Variants in SORBS3 observed in about 807,000 individuals in gnomAD.
The protein encoded by SORBS3 is vinexin.
In SORBS3, 69 loss-of-function variants were observed where a neutral mutation model predicts 98.0. That is an observed-to-expected ratio of 0.70 (90% CI 0.58 to 0.86). The LOEUF is 0.86. Ranked by LOEUF, SORBS3 falls within the 40% of genes least tolerant of loss-of-function variation. SORBS3 has a pLI of 0.00. For synonymous variants in SORBS3, 394 were observed against 355.4 expected, an observed-to-expected ratio of 1.11 and a Z score of -1.22; for missense variants, 954 against 908.5, an observed-to-expected ratio of 1.05 and a Z score of -0.64.
At chr8:22,561,719 T>G in intron 6 of SORBS3, 146 bp from the exon 7 acceptor site, 1 of 720,202 alleles carries the variant, frequency 1.4e-6, no homozygotes, top group East Asian at 2.7e-5. Flanking sequence ...TCAGTGTCCC[T>G]GAGCACCAAC....
chr8:22,554,154 C>T lies in SORBS3; in HGVS notation c.-55-298C>T, dbSNP rs1386800256. The T allele has an allele frequency of 2.8e-5, 6 of 217,316 alleles. No individual in the cohort carries two copies. The highest frequency in any genetic ancestry group is 5.3e-5 in the Admixed American group (1 of 18,984). The allele number at this position is 217,316 out of a possible 1,614,324, so 13.5% of individuals were successfully genotyped here. A position where few individuals can be genotyped will look rare whatever the true frequency, so the allele number is the denominator to read the frequency against. Reference sequence around the variant, plus strand: ...CTGCACCCGTGCAGGGAGAGCCCCACGGGCTCCTGGCCAGCCCCTCCCCTC... The same window carrying T: ...CTGCACCCGTGCAGGGAGAGCCCCATGGGCTCCTGGCCAGCCCCTCCCCTC... On this transcript the variant is annotated intron_variant, in intron 1 of 20. Coordinates refer to ENST00000240123, the MANE Select transcript of SORBS3 (RefSeq NM_005775.5). This position sits in a 1 kb window ranked among gnomAD's most constrained non-coding sequence, Gnocchi z 6.5.
Position 22,566,848 on chromosome 8 carries a change from C to T in SORBS3, c.1170C>T (p.Asp390=), listed in dbSNP as rs769899301. Reference sequence around the variant, plus strand: ...GAAAGGCCGCCAGGCTCAAGTTTGACTTCCAGGCGCAGTCCCCCAAGTAAG... The same window carrying T: ...GAAAGGCCGCCAGGCTCAAGTTTGATTTCCAGGCGCAGTCCCCCAAGTAAG... ...KKRKAARLKF[D]FQAQSPKELT... is the part of the protein sequence containing the mutation. Residue 390 remains aspartate, a synonymous_variant, in exon 15 of 21, where the codon GAC becomes GAT. Coordinates refer to ENST00000240123, the MANE Select transcript of SORBS3 (RefSeq NM_005775.5). 1.8e-5 allele frequency: 29 copies of T among 1,612,800 alleles called. No individual in the cohort carries two copies. In the South Asian group the frequency reaches 2.1e-4, roughly 12 times the overall value.
chr8:22,566,080 G>A (rs1840409857), intron 12 of SORBS3: 1 of 562,898 alleles, frequency 1.8e-6, no homozygotes, highest in Non-Finnish European at 2.7e-6. Context: ...CCTAGCAGAG[G>A]ACCGGGGTCG....
chr8:22,551,253 GTGTT>G (rs1396268865), upstream of SORBS3, among the ~76,000 whole-genome samples: 2 of 152,084 alleles, frequency 1.3e-5, no homozygotes, highest in Non-Finnish European at 2.9e-5. This position sits in a 1 kb window ranked among gnomAD's most constrained non-coding sequence, Gnocchi z 5.8. Flanking sequence ...GTACGCGCGC[GTGTT>G]TGTTTGCACA....
chr8:22,545,268 G>A (rs1840005099), intron 1 of SORBS3: 1 of 152,350 alleles, frequency 6.6e-6, no homozygotes, highest in Admixed American at 6.5e-5. Flanking sequence ...AGCTGTCAGA[G>A]CAGATGTGTG....
rs139476388 is a variant in SORBS3 at position 22,572,393 on chromosome 8, G to A, written c.1901G>A (p.Arg634His). The change falls in exon 20 of 21, where the codon CGC becomes CAC. Residue 634 changes from arginine to histidine, a missense_variant. Transcript: ENST00000240123. ...RPQNEDELEL[R>H]EGDRVDVMQQ... ...CAGAACGAAGACGAGCTGGAGCTGCGCGAGGGGGACAGGGTGGATGTCATG... is the reference window on the plus strand; with the variant it reads ...CAGAACGAAGACGAGCTGGAGCTGCACGAGGGGGACAGGGTGGATGTCATG... 15 of 1,613,964 alleles carry A rather than the reference G, an allele frequency of 9.3e-6. No homozygotes were observed. In the African/African-American group the frequency reaches 9.3e-5, roughly 10 times the overall value.
chr8:22,545,114 T>C (rs1005082779), exon 1 of SORBS3: 1 of 152,238 alleles, frequency 6.6e-6, no homozygotes, highest in Non-Finnish European at 1.5e-5. Flanking sequence ...ACATCTTTTC[T>C]GAGACCTGCT....
intron 3 of SORBS3, among the ~76,000 whole-genome samples, chr8:22,555,606 ACT>A (rs1334931597): frequency 6.6e-6 from 1 of 151,898 alleles, no homozygotes; most frequent in African/African-American, 2.4e-5. Context: ...ACACACACAC[ACT>A]GAGAGGCTGA....
chr8:22,556,279 T>C (rs1017807126), intron 3 of SORBS3, among the ~76,000 whole-genome samples: 5 of 152,182 alleles, frequency 3.3e-5, no homozygotes, highest in Non-Finnish European at 5.9e-5. Flanking sequence ...ACCCTTGTTT[T>C]ACAGAAGTGG....
In SORBS3 at chr8:22,554,859, G is replaced by T; in HGVS notation, c.103-4G>T. 7.5e-7 allele frequency: 1 copy of T among 1,327,510 alleles called. No individual in the cohort carries two copies. Among genetic ancestry groups the T allele is most frequent in the Non-Finnish European group, 1.0e-6 (1 of 983,822 alleles). 82.2% of individuals were successfully genotyped at this position (1,327,510 alleles called of 1,614,324 possible). On this transcript the variant is annotated splice_polypyrimidine_tract_variant and splice_region_variant and intron_variant, in intron 2 of 20. Coordinates refer to ENST00000240123, the MANE Select transcript of SORBS3 (RefSeq NM_005775.5). The surrounding 1 kb of genome is among the most constrained non-coding windows in gnomAD (Gnocchi z 6.5). ...GAGCTGCCGCTCCTGGCCCCTCCCC[G>T]CAGGTGCCCGTGATCCGGAATGGTG... is the stretch of plus-strand genomic sequence containing the variant.
At chr8:22,551,740 C>G, upstream of SORBS3, 1 of 985,216 alleles carries the variant, frequency 1.0e-6, no homozygotes, top group Non-Finnish European at 1.2e-6. This position sits in a 1 kb window ranked among gnomAD's most constrained non-coding sequence, Gnocchi z 5.8. Flanking sequence ...TCCCTCCTCT[C>G]CGGCCCAGCC....
rs768788338 is a variant in SORBS3, at chr8:22,565,252, C to T, written c.817-16C>T. ...GGTGCGCTGCCCCTCACTGCCCAGCCTCTCCCCGCCCCCAGGTGCTGCTGG... is the reference window on the plus strand; with the variant it reads ...GGTGCGCTGCCCCTCACTGCCCAGCTTCTCCCCGCCCCCAGGTGCTGCTGG... On this transcript the variant is annotated splice_polypyrimidine_tract_variant and intron_variant, in intron 10 of 20. Transcript: ENST00000240123. The T allele has an allele frequency of 1.9e-6, 3 of 1,548,284 alleles. 1 individual carries two copies. Among genetic ancestry groups the T allele is most frequent in the South Asian group, 2.4e-5 (2 of 84,038 alleles).
intron 7 of SORBS3, among the ~76,000 whole-genome samples, chr8:22,562,697 C>T (rs1290614128): frequency 6.6e-6 from 1 of 152,232 alleles, no homozygotes; most frequent in Non-Finnish European, 1.5e-5. Flanking sequence ...CTCACTCAGT[C>T]TGAGCCTCTG....
intron 1 of SORBS3, among the ~76,000 whole-genome samples, chr8:22,546,837 G>A (rs1313072618): frequency 6.6e-6 from 1 of 152,102 alleles, no homozygotes; most frequent in Non-Finnish European, 1.5e-5. Context: ...ATATCATGAG[G>A]TGCTGTGGAT....
chr8:22,572,246 C>T (rs1414473826), intron 19 of SORBS3, 94 bp from the exon 20 acceptor site: 1 of 984,638 alleles, frequency 1.0e-6, no homozygotes, highest in East Asian at 2.4e-5. Flanking sequence ...CTAGTGAGAG[C>T]ATGAAGGGAC....
chr8:22,567,038 G>T, intron 15 of SORBS3, 23 bp from the exon 16 acceptor site: 9 of 1,594,916 alleles, frequency 5.6e-6, no homozygotes, highest in Non-Finnish European at 7.7e-6. Context: ...AGCTTACCCT[G>T]CGGTCCTCGT....
intron 18 of SORBS3, 35 bp downstream of exon 18, chr8:22,571,256 C>T (rs1840576257): frequency 2.4e-6 from 3 of 1,260,638 alleles, no homozygotes; most frequent in Admixed American, 4.3e-5. Context: ...GAGTCGACCT[C>T]CTCCTCACCC....
Position 22,563,524 on chromosome 8 carries a change from C to T in SORBS3, c.585-463C>T, listed in dbSNP as rs532579364. On this transcript the variant is annotated intron_variant, in intron 7 of 20. Transcript: ENST00000240123. ...CCTTGCCCATGGGTGTACGATCACT[C>T]AGCCACAGCACCCAGAAAGACCAGC... Among the ~76,000 whole-genome samples, 4 of 152,310 alleles carry T rather than the reference C, an allele frequency of 2.6e-5. No homozygotes were observed. In the East Asian group the frequency reaches 5.8e-4, roughly 22 times the overall value.
rs1377025175 is a variant in SORBS3 at position 22,554,583 on chromosome 8, T to A, written c.77T>A (p.Ile26Lys). Residue 26 changes from isoleucine to lysine, a missense_variant, in exon 2 of 21, where the codon ATA becomes AAA. By Grantham distance (102) the Ile-to-Lys change is moderately radical. Transcript: ENST00000240123. The surrounding 1 kb of genome is among the most constrained non-coding windows in gnomAD (Gnocchi z 6.5). ...DFIPGHLQSH[I>K]GSSSRGTRVP... ...ATCCCTGGCCACCTCCAGTCCCACA[T>A]AGGGTCTTCCTCCCGGGGGACACGG... 2.5e-6 allele frequency: 4 copies of A among 1,612,532 alleles called. No homozygotes were observed. The highest frequency in any genetic ancestry group is 4.5e-5 in the East Asian group (2 of 44,844).
Sources: gnomAD v4.1 joint callset for allele counts (sites outside exome capture counted in the v4.1 genomes callset) on GRCh38, gnomAD v4.1.1 for gene constraint, Gnocchi (gnomAD v3.1) non-coding constraint, MANE v1.5 for transcripts, NCBI Gene and HGNC (gene_info 2026-07-23, HGNC 2026-07-21) for gene names.